The following PDIA3 variants were observed in gnomAD, a reference collection of about 807,000 sequenced individuals.
The protein encoded by PDIA3 is protein disulfide-isomerase A3.
PDIA3 carries 16 observed loss-of-function variants against 56.9 expected under a neutral mutation model. That is an observed-to-expected ratio of 0.28 (90% confidence interval 0.19 to 0.43). The LOEUF (loss-of-function observed/expected upper bound fraction) is 0.43, where lower values mean the gene tolerates loss of function less well. PDIA3 is among the 20% of genes least tolerant of loss of function. The pLI is 1.00. For synonymous variants in PDIA3, 192 were observed against 216.5 expected (o/e 0.89, Z 0.99); for missense variants, 485 against 621.3 (o/e 0.78, Z 2.33).
At chr15:43,765,593 G>A (rs1250347520) in intron 6 of PDIA3, 27 bp downstream of exon 6, 23 of 1,322,124 alleles carry the variant, frequency 1.7e-5, no homozygotes, top group Non-Finnish European at 2.4e-5. Flanking sequence ...ATCTTGTCTG[G>A]GATTTATTTG....
chr15:43,771,627 T>A lies in PDIA3; in HGVS notation c.*409T>A. The A allele has an allele frequency of 9.8e-6, 4 of 409,688 alleles. No homozygotes were observed. Among genetic ancestry groups the A allele is most frequent in the South Asian group, 1.1e-4 (1 of 8,964 alleles). 25.4% of individuals were successfully genotyped at this position (409,688 alleles called of 1,614,324 possible). On this transcript the variant is annotated 3_prime_UTR_variant, in exon 13 of 13. Coordinates refer to ENST00000300289, the MANE Select transcript of PDIA3 (RefSeq NM_005313.5). ...GAGCTTTCTTCAGTGATGGAAATGCTCTGTAATCTACACTGTTCAGTACAG... is the reference window on the plus strand; with the variant it reads ...GAGCTTTCTTCAGTGATGGAAATGCACTGTAATCTACACTGTTCAGTACAG...
At chr15:43,755,134 T>C (rs1043649013) in intron 2 of PDIA3, among the ~76,000 whole-genome samples, 1 of 152,102 alleles carries the variant, frequency 6.6e-6, no homozygotes, top group African/African-American at 2.4e-5. Flanking sequence ...GAGACCCGCC[T>C]GGCCAACATG....
rs1373154297 is a variant in PDIA3 at position 43,768,521 on chromosome 15, A to T, written c.1061A>T (p.Gln354Leu). ...RDGKALERFL[Q>L]DYFDGNLKRY... is the part of the protein sequence containing the mutation. ...GGGAAGGCTCTGGAGAGGTTCCTGCAGGATTACTTTGATGGCAATCTGAAG... is the reference window on the plus strand; with the variant it reads ...GGGAAGGCTCTGGAGAGGTTCCTGCTGGATTACTTTGATGGCAATCTGAAG... Residue 354 changes from glutamine to leucine, a missense_variant, in exon 9 of 13, where the codon CAG (glutamine) becomes CTG (leucine). Gln to Leu is a moderately radical substitution (Grantham distance 113). Coordinates refer to ENST00000300289, the MANE Select transcript of PDIA3 (RefSeq NM_005313.5). The T allele has an allele frequency of 2.5e-6, 4 of 1,613,912 alleles. No homozygotes were observed. The East Asian group carries it at 8.9e-5, about 36-fold the overall frequency.
chr15:43,766,149 AAAAATT>A, intron 7 of PDIA3, 137 bp downstream of exon 7: 40 of 682,988 alleles, frequency 5.9e-5, no homozygotes, highest in Non-Finnish European at 8.1e-5. Flanking sequence ...AAAAAAAAAA[AAAAATT>A]AAAGTAACTA....
chr15:43,751,776 T>C (rs1163736634), intron 1 of PDIA3: 9 of 1,291,634 alleles, frequency 7.0e-6, no homozygotes, highest in Admixed American at 2.3e-5. Flanking sequence ...ATGCATACTT[T>C]TGTTGTTTTA....
chr15:43,769,684 G>A (rs763098738), intron 10 of PDIA3, 38 bp downstream of exon 10: 7 of 1,605,800 alleles, frequency 4.4e-6, no homozygotes, highest in East Asian at 2.2e-5. Flanking sequence ...ACATTTGAGC[G>A]GGAGCAGTAA....
chr15:43,758,523 A>T (rs1399896034), intron 3 of PDIA3, among the ~76,000 whole-genome samples: 2 of 150,138 alleles, frequency 1.3e-5, no homozygotes, highest in South Asian at 2.1e-4. Context: ...GCTGGGTGTG[A>T]TGCGCATACC....
At chr15:43,766,694 T>C (rs1015586232) in intron 7 of PDIA3, 34 bp from the exon 8 acceptor site, 6 of 1,594,406 alleles carry the variant, frequency 3.8e-6, no homozygotes, top group Admixed American at 1.7e-5. Flanking sequence ...CCACCCTGTA[T>C]AGTCTTGGCA....
chr15:43,758,160 C>G (rs1053985356), intron 3 of PDIA3, among the ~76,000 whole-genome samples: 5 of 151,830 alleles, frequency 3.3e-5, no homozygotes, highest in African/African-American at 1.2e-4. Context: ...ATCGCTTGAA[C>G]CTGGGAGGCG....
Position 43,760,390 on chromosome 15 carries a change from CA to C in PDIA3, c.365-1024del, listed in dbSNP as rs1221012941. Among the ~76,000 whole-genome samples the C allele has an allele frequency of 2.6e-4, 22 of 84,214 alleles. No individual in the cohort carries two copies. The East Asian group carries it at 3.9e-3, about 15-fold the overall frequency. The allele number at this position is 84,214 out of a possible 152,430, so 55.2% of individuals were successfully genotyped here. On this transcript the variant is annotated intron_variant, in intron 3 of 12. Transcript: ENST00000300289. ...TGGGTGACAGAAGGAGACCCTGTCT[CA>C]AAAAAAAAATAAAGAAAAGAAAAAA...
In PDIA3 at chr15:43,773,008, T is replaced by C. The variant is rs1344237210; in HGVS notation, c.*1790T>C. On this transcript the variant is annotated 3_prime_UTR_variant, in exon 13 of 13. Transcript: ENST00000300289. ...CAGCTCTCTACTTGCCACCATGGAC[T>C]CCAGTGGTCAGCATAAGAAAAGCAG... 3.8e-6 allele frequency: 4 copies of C among 1,051,520 alleles called. No individual in the cohort carries two copies. Among genetic ancestry groups the C allele is most frequent in the African/African-American group, 1.6e-5 (1 of 62,602 alleles). 65.1% of individuals were successfully genotyped at this position (1,051,520 alleles called of 1,614,324 possible).
At chr15:43,753,981 A>G in intron 2 of PDIA3, 79 bp downstream of exon 2, 1 of 942,666 alleles carries the variant, frequency 1.1e-6, no homozygotes, top group Admixed American at 1.8e-5. Flanking sequence ...TGTTACATGG[A>G]AAAAAATAAC....
intron 5 of PDIA3, among the ~76,000 whole-genome samples, chr15:43,764,094 A>C (rs567367239): frequency 4.6e-5 from 7 of 152,346 alleles, no homozygotes; most frequent in African/African-American, 1.4e-4. Flanking sequence ...TGGGCTGGGG[A>C]GTAATGCCTA....
At position 43,756,777 on chromosome 15, in the gene PDIA3, T is replaced by A; in HGVS notation, c.364+11T>A. 3 of 1,346,386 alleles carry A rather than the reference T, an allele frequency of 2.2e-6. No homozygotes were observed. The highest frequency in any genetic ancestry group is 3.2e-6 in the Non-Finnish European group (3 of 941,558). The allele number at this position is 1,346,386 out of a possible 1,614,324, so 83.4% of individuals were successfully genotyped here. A position where few individuals can be genotyped will look rare whatever the true frequency, so the allele number is the denominator to read the frequency against. On this transcript the variant is annotated intron_variant, in intron 3 of 12. Transcript: ENST00000300289. ...GACCTAGGACTGCTGGTAAGGATCC[T>A]GAATTACATTCTGGAAACTGATGTT...
In PDIA3 at chr15:43,753,821, T is replaced by C; in HGVS notation, c.168-3T>C. The C allele has an allele frequency of 1.2e-6, 2 of 1,607,024 alleles. No homozygotes were observed. Among genetic ancestry groups the C allele is most frequent in the East Asian group, 2.2e-5 (1 of 44,832 alleles). On this transcript the variant is annotated splice_region_variant and splice_polypyrimidine_tract_variant and intron_variant, in intron 1 of 12. Coordinates refer to ENST00000300289, the MANE Select transcript of PDIA3 (RefSeq NM_005313.5). ...GAATTTGGCTTTTTTAATACGTATA[T>C]AGGTGTGGACACTGCAAGAGACTTG...
intron 7 of PDIA3, among the ~76,000 whole-genome samples, chr15:43,766,356 A>C (rs562310404): frequency 6.6e-6 from 1 of 152,294 alleles, no homozygotes; most frequent in African/African-American, 2.4e-5. Flanking sequence ...AGAAGGTGGA[A>C]ATTTGATATA....
intron 1 of PDIA3, among the ~76,000 whole-genome samples, chr15:43,747,653 T>A (rs1054744000): frequency 6.6e-6 from 1 of 152,128 alleles, no homozygotes; most frequent in Non-Finnish European, 1.5e-5. Context: ...TAGCTCTCTA[T>A]ATATAATTCA....
chr15:43,749,067 A>G (rs2086726505), intron 1 of PDIA3, among the ~76,000 whole-genome samples: 1 of 151,654 alleles, frequency 6.6e-6, no homozygotes, highest in South Asian at 2.1e-4. Flanking sequence ...CACTGCACCC[A>G]GCCTGTTTTT....
In PDIA3 at chr15:43,767,741, G is replaced by A. The variant is rs1189304079; in HGVS notation, c.1029-748G>A. Among the ~76,000 whole-genome samples the A allele has an allele frequency of 3.0e-5, 4 of 135,450 alleles. No homozygotes were observed. The South Asian group carries it at 9.2e-4, about 31-fold the overall frequency. 88.9% of individuals were successfully genotyped at this position (135,450 alleles called of 152,430 possible). On this transcript the variant is annotated intron_variant, in intron 8 of 12. Transcript: ENST00000300289. ...GCTGAGATCATGCCACTGTTCTCCA[G>A]CCTGGGTGACAGAGCAAGACTCTGT...
Sources: gnomAD v4.1 joint callset for allele counts (sites outside exome capture counted in the v4.1 genomes callset) on GRCh38, gnomAD v4.1.1 for gene constraint, MANE v1.5 for transcripts, NCBI Gene and HGNC (gene_info 2026-07-23, HGNC 2026-07-21) for gene names.